The following ACACA variants were observed in gnomAD, a reference collection of about 807,000 sequenced individuals.
ACACA encodes the protein acetyl-CoA carboxylase alpha, also known as acetyl-CoA carboxylase 1.
ACACA carries 103 observed loss-of-function variants against 296.1 expected under a neutral mutation model. That is an observed-to-expected ratio of 0.35 (90% CI 0.30 to 0.41). The LOEUF (loss-of-function observed/expected upper bound fraction) is 0.41. Among genes scored for constraint, ACACA ranks in the 10% least tolerant of loss-of-function variants. The pLI is 1.00. For missense variants in ACACA, 1,554 were observed against 2,989.7 expected, an observed-to-expected ratio of 0.52 and a Z score of 11.20; for synonymous variants, 953 against 1,038.6, an observed-to-expected ratio of 0.92 and a Z score of 1.58.
chr17:37,131,854 A>G (rs1366533659), intron 45 of ACACA, among the ~76,000 whole-genome samples: 1 of 152,272 alleles, frequency 6.6e-6, no homozygotes, highest in Non-Finnish European at 1.5e-5. Flanking sequence ...AGCGCAGAGA[A>G]CAAGCCTTTA....
chr17:37,126,930 G>C (rs1371742984), intron 47 of ACACA, among the ~76,000 whole-genome samples: 2 of 152,156 alleles, frequency 1.3e-5, no homozygotes, highest in Non-Finnish European at 2.9e-5. Flanking sequence ...TTTTCACCTA[G>C]AAGATATCTG....
intron 10 of ACACA, among the ~76,000 whole-genome samples, chr17:37,270,263 A>G (rs2082009937): frequency 6.6e-6 from 1 of 152,220 alleles, no homozygotes; most frequent in Non-Finnish European, 1.5e-5. Flanking sequence ...GACATATGAT[A>G]GAAACTCAGA....
At chr17:37,185,713 C>A (rs910630284) in intron 39 of ACACA, among the ~76,000 whole-genome samples, 1 of 151,854 alleles carries the variant, frequency 6.6e-6, no homozygotes, top group African/African-American at 2.4e-5. Flanking sequence ...GGACTACAGG[C>A]CCCTGCCACC....
chr17:37,328,702 T>TA, intron 3 of ACACA: 1 of 390,578 alleles, frequency 2.6e-6, no homozygotes, highest in Non-Finnish European at 4.5e-6. Flanking sequence ...GTGTATAAAA[T>TA]AGAGCTGAAT....
intron 3 of ACACA, among the ~76,000 whole-genome samples, chr17:37,298,458 A>C (rs1426852345): frequency 6.6e-6 from 1 of 152,168 alleles, no homozygotes; most frequent in Non-Finnish European, 1.5e-5. Flanking sequence ...AAAGTGGCAG[A>C]ATTGCTTGAG....
At chr17:37,240,706 A>G (rs781109657) in intron 23 of ACACA, 142 bp from the exon 24 acceptor site, 4 of 687,960 alleles carry the variant, frequency 5.8e-6, no homozygotes, top group Non-Finnish European at 1.0e-5. Context: ...TGAACTACAA[A>G]ATTAACTTAA....
intron 26 of ACACA, chr17:37,225,341 G>T: frequency 4.1e-6 from 2 of 483,002 alleles, no homozygotes; most frequent in Admixed American, 3.2e-5. Flanking sequence ...TCCCATGGTG[G>T]GTAGGGGGAA....
chr17:37,232,449 A>G (rs1390523347), intron 25 of ACACA, among the ~76,000 whole-genome samples: 1 of 152,116 alleles, frequency 6.6e-6, no homozygotes, highest in African/African-American at 2.4e-5. Context: ...AAACAACCAA[A>G]ATGGCTCTTA....
chr17:37,226,346 G>C lies in ACACA; in HGVS notation c.3353C>G (p.Ala1118Gly). ...KTTNAKVALR[A>G]RQVLIASHLP... is the part of the protein sequence containing the mutation. ...ACCAACAAATGTCCTTACCTGGCGT[G>C]CTCGAAGTGCTACTTTGGCATTGGT... Residue 1118 changes from alanine (A) to glycine (G), a missense_variant, in exon 26 of 56, where the codon GCA becomes GGA. Physicochemically the swap from Ala to Gly is moderately conservative, Grantham distance 60. Transcript: ENST00000616317. The C allele has an allele frequency of 6.2e-7, 1 of 1,613,196 alleles. No individual in the cohort carries two copies. The highest frequency in any genetic ancestry group is 8.5e-7 in the Non-Finnish European group (1 of 1,179,148).
chr17:37,241,577 C>T (rs144358437), intron 23 of ACACA, among the ~76,000 whole-genome samples: 138 of 152,050 alleles, frequency 9.1e-4, no homozygotes, highest in Middle Eastern at 6.8e-3. Context: ...TGGTGGTGCA[C>T]AGCTATAGTC....
At chr17:37,162,669 C>A in intron 41 of ACACA, 1 of 285,164 alleles carries the variant, frequency 3.5e-6, no homozygotes, top group Non-Finnish European at 6.7e-6. Context: ...GCTGCCTGCC[C>A]ACCCCCAAAT....
At chr17:37,160,322 A>T (rs1326273884) in intron 42 of ACACA, among the ~76,000 whole-genome samples, 1 of 152,240 alleles carries the variant, frequency 6.6e-6, no homozygotes, top group African/African-American at 2.4e-5. Flanking sequence ...GTCTTTAGAC[A>T]GAAGTAGGAA....
intron 41 of ACACA, among the ~76,000 whole-genome samples, chr17:37,173,993 TATATATATATATATATATATATATA>T (rs2076987037): frequency 6.2e-4 from 6 of 9,712 alleles, no homozygotes; most frequent in African/African-American, 2.9e-3. Context: ...TATATATATA[TATATATATATATATATATATATATA>T]TATTTTTTTT....
In ACACA at chr17:37,252,035, C is replaced by T; in HGVS notation, c.2051G>A (p.Ser684Asn). 6.2e-7 allele frequency: 1 copy of T among 1,614,230 alleles called. No individual in the cohort carries two copies. The highest frequency in any genetic ancestry group is 8.5e-7 in the Non-Finnish European group (1 of 1,180,042). ...TAAGGAGTGAAGGAAGTTAGAGACG[C>T]TATTCCGCAGGCTCACATCTGCCAC... Reference protein sequence around the residue: ...LHVADVSLRNSVSNFLHSLER... With the variant: ...LHVADVSLRNNVSNFLHSLER... Residue 684 changes from serine to asparagine, a missense_variant, in exon 16 of 56, where the codon AGC becomes AAC. By Grantham distance (46) the Ser-to-Asn change is conservative. Around this residue, in one of 16 missense-constraint regions of ACACA, gnomAD observed 316 missense variants for 540.9 expected, o/e 0.58. Transcript: ENST00000616317.
rs142025239 is a variant in ACACA at position 37,244,508 on chromosome 17, A to G, written c.2742+80T>C. ...AGCTTTCTTTTCCTCCCTCTTAAAC[A>G]ATCATTATGAGACTTGGAACTATTT... On this transcript the variant is annotated intron_variant, in intron 21 of 55. Coordinates refer to ENST00000616317, the MANE Select transcript of ACACA (RefSeq NM_198834.3). The G allele has an allele frequency of 6.8e-5, 106 of 1,555,070 alleles. 1 individual carries two copies. In the African/African-American group the frequency reaches 1.3e-3, roughly 19 times the overall value.
chr17:37,352,745 G>A (rs533466138), intron 1 of ACACA, among the ~76,000 whole-genome samples: 1 of 151,836 alleles, frequency 6.6e-6, no homozygotes, highest in Non-Finnish European at 1.5e-5. Context: ...AAAAAGAAAA[G>A]AAATTTCTTC....
chr17:37,299,698 A>G (rs1598432811), intron 3 of ACACA: 2 of 1,016,822 alleles, frequency 2.0e-6, no homozygotes, highest in African/African-American at 3.4e-5. Context: ...GTTGCAGCAA[A>G]CATTTTCAAC....
intron 1 of ACACA, chr17:37,391,570 C>A: frequency 7.5e-7 from 1 of 1,329,640 alleles, no homozygotes; most frequent in Non-Finnish European, 1.1e-6. Flanking sequence ...TTGTACTTAG[C>A]CAGCCCTTTT....
At position 37,223,401 on chromosome 17, in the gene ACACA, A is replaced by G. The variant is rs573434532; in HGVS notation, c.3564+111T>C. 4.5e-6 allele frequency: 4 copies of G among 886,926 alleles called. No individual in the cohort carries two copies. In the African/African-American group the frequency reaches 5.0e-5, roughly 11 times the overall value. 54.9% of individuals were successfully genotyped at this position (886,926 alleles called of 1,614,324 possible). ...AGAGGAAAAGAGACTAACTACCCTT[A>G]AGAACCAACCTTAAGGCCAGAGAAC... On this transcript the variant is annotated intron_variant, in intron 28 of 55. Transcript: ENST00000616317.
Sources: gnomAD v4.1 joint callset for allele counts (sites outside exome capture counted in the v4.1 genomes callset) on GRCh38, gnomAD v4.1.1 for gene constraint, gnomAD v4.1.1 regional missense constraint, MANE v1.5 for transcripts, NCBI Gene and HGNC (gene_info 2026-07-23, HGNC 2026-07-21) for gene names.